The following PTPRD variants were observed in gnomAD, a reference collection of about 807,000 sequenced individuals.
PTPRD encodes receptor-type tyrosine-protein phosphatase delta.
Under a neutral mutation model 214.5 loss-of-function variants are expected in PTPRD, and 34 were observed. The ratio of observed to expected loss-of-function variants is 0.16; its 90% CI spans 0.12 to 0.21. The LOEUF (loss-of-function observed/expected upper bound fraction) is 0.21, where lower values mean the gene tolerates loss of function less well. Among genes scored for constraint, PTPRD ranks in the 10% least tolerant of loss-of-function variants. The pLI, the probability that PTPRD is intolerant of heterozygous loss-of-function variation, is 1.00. For synonymous variants in PTPRD, 1,128 were observed against 845.7 expected (o/e 1.33, Z -5.79); for missense variants, 2,545 against 2,398.7 (o/e 1.06, Z -1.27).
In PTPRD at chr9:9,403,296, A is replaced by AAAAAAC. The variant is rs1165793213; in HGVS notation, c.-236-5815_-236-5814insGTTTTT. ...ACAGAGGAATACTCTGTCTCAAAAA[A>AAAAAAC]AAAAAAAAAAAAAAACCAAAACAAA... On this transcript the variant is annotated intron_variant, in intron 8 of 45. Transcript: ENST00000381196. 3.3e-5 allele frequency among the ~76,000 whole-genome samples: 5 copies of AAAAAAC among 149,924 alleles called. 1 individual carries two copies. The East Asian group carries it at 7.8e-4, about 23-fold the overall frequency.
At chr9:8,515,154 G>C (rs1402056007) in intron 21 of PTPRD, among the ~76,000 whole-genome samples, 2 of 152,156 alleles carry the variant, frequency 1.3e-5, no homozygotes, top group Non-Finnish European at 2.9e-5. Context: ...AGAATCCCTG[G>C]ATTTAAATTC....
intron 11 of PTPRD, among the ~76,000 whole-genome samples, chr9:8,995,159 A>G (rs2099391723): frequency 1.3e-5 from 2 of 152,068 alleles, no homozygotes; most frequent in East Asian, 3.9e-4. Flanking sequence ...GGAGAAACTT[A>G]ATAGATATAA....
intron 11 of PTPRD, among the ~76,000 whole-genome samples, chr9:8,811,304 T>C (rs905529893): frequency 6.6e-6 from 1 of 152,046 alleles, no homozygotes. Context: ...TGCTGGCATT[T>C]ATACCACTCA....
At chr9:8,599,422 G>T (rs2094679150) in intron 14 of PTPRD, among the ~76,000 whole-genome samples, 1 of 152,106 alleles carries the variant, frequency 6.6e-6, no homozygotes, top group South Asian at 2.1e-4. Context: ...TGAAGCATCA[G>T]TTACCTATGG....
At chr9:8,606,935 A>G (rs953572830) in intron 14 of PTPRD, among the ~76,000 whole-genome samples, 14 of 152,314 alleles carry the variant, frequency 9.2e-5, no homozygotes, top group African/African-American at 3.4e-4. Flanking sequence ...AGTCTTAGGT[A>G]AAGAAAACCT....
chr9:9,243,865 T>A (rs549752142), intron 9 of PTPRD, among the ~76,000 whole-genome samples: 1 of 152,158 alleles, frequency 6.6e-6, no homozygotes, highest in Non-Finnish European at 1.5e-5. Context: ...TGTTTGCAGG[T>A]GACATGATTG....
chr9:10,235,895 C>G (rs1241438367), intron 3 of PTPRD, among the ~76,000 whole-genome samples: 2 of 151,860 alleles, frequency 1.3e-5, no homozygotes, highest in East Asian at 3.9e-4. Flanking sequence ...TGAGACATAA[C>G]CTTTGGGGTG....
chr9:10,409,321 A>G (rs1487451701), intron 2 of PTPRD, among the ~76,000 whole-genome samples: 3 of 151,742 alleles, frequency 2.0e-5, no homozygotes, highest in Non-Finnish European at 4.4e-5. Context: ...AAAGTTGTGT[A>G]ACTAATGGTA....
At chr9:10,428,802 T>C (rs534811830) in intron 2 of PTPRD, among the ~76,000 whole-genome samples, 1 of 152,108 alleles carries the variant, frequency 6.6e-6, no homozygotes, top group East Asian at 1.9e-4. Context: ...ACAAAACACA[T>C]GAGTGGAGCT....
intron 8 of PTPRD, among the ~76,000 whole-genome samples, chr9:9,553,922 C>A (rs1346774424): frequency 6.6e-6 from 1 of 151,860 alleles, no homozygotes; most frequent in African/African-American, 2.4e-5. Context: ...AGGCATATAC[C>A]CTCTGACAAC....
intron 9 of PTPRD, among the ~76,000 whole-genome samples, chr9:9,284,580 T>C (rs1948774626): frequency 1.3e-5 from 2 of 151,746 alleles, no homozygotes; most frequent in South Asian, 4.1e-4. Context: ...CACCAGTCCC[T>C]CAGAGAAGTT....
intron 3 of PTPRD, among the ~76,000 whole-genome samples, chr9:10,164,944 A>G (rs953508255): frequency 1.3e-5 from 2 of 151,340 alleles, no homozygotes; most frequent in Non-Finnish European, 3.0e-5. Context: ...AACTTAGAGC[A>G]CTAGACCTAC....
intron 11 of PTPRD, among the ~76,000 whole-genome samples, chr9:8,865,072 G>C (rs1266947464): frequency 6.6e-6 from 1 of 152,160 alleles, no homozygotes; most frequent in Non-Finnish European, 1.5e-5. Flanking sequence ...ACATCATCTA[G>C]CATGTAGCCT....
intron 19 of PTPRD, among the ~76,000 whole-genome samples, chr9:8,523,043 T>C (rs2097921504): frequency 6.6e-6 from 1 of 152,024 alleles, no homozygotes; most frequent in Non-Finnish European, 1.5e-5. Context: ...CTGCAGCCAA[T>C]TCACAGAGGT....
intron 5 of PTPRD, among the ~76,000 whole-genome samples, chr9:9,820,039 T>C (rs998317369): frequency 6.6e-6 from 1 of 152,192 alleles, no homozygotes; most frequent in Non-Finnish European, 1.5e-5. Context: ...ATAGTCCTGT[T>C]CTATGTTCTT....
chr9:9,335,445 T>A (rs1227043530), intron 9 of PTPRD, among the ~76,000 whole-genome samples: 1 of 152,106 alleles, frequency 6.6e-6, no homozygotes, highest in African/African-American at 2.4e-5. Context: ...CTACGTGTTT[T>A]TAACGGGTAG....
intron 27 of PTPRD, among the ~76,000 whole-genome samples, chr9:8,490,396 C>T (rs2097126344): frequency 6.6e-6 from 1 of 152,300 alleles, no homozygotes; most frequent in Admixed American, 6.5e-5. Flanking sequence ...TACTCAGTCC[C>T]AGTGGCTCTA....
At chr9:10,554,542 C>G (rs1486973002) in intron 2 of PTPRD, among the ~76,000 whole-genome samples, 1 of 152,164 alleles carries the variant, frequency 6.6e-6, no homozygotes, top group African/African-American at 2.4e-5. Context: ...TTCATAACAG[C>G]ATCAGGTATT....
At chr9:9,459,709 T>C (rs977375644) in intron 8 of PTPRD, among the ~76,000 whole-genome samples, 12 of 152,082 alleles carry the variant, frequency 7.9e-5, no homozygotes, top group Non-Finnish European at 1.5e-4. Context: ...CACAAACATA[T>C]AGAAAACATC....
Sources: gnomAD v4.1 joint callset for allele counts (sites outside exome capture counted in the v4.1 genomes callset) on GRCh38, gnomAD v4.1.1 for gene constraint, MANE v1.5 for transcripts, NCBI Gene and HGNC (gene_info 2026-07-23, HGNC 2026-07-21) for gene names.